The following ALK variants were observed in gnomAD, a reference collection of about 807,000 sequenced individuals.
The protein encoded by ALK is ALK receptor tyrosine kinase, also known as ALK tyrosine kinase receptor.
A neutral mutation model predicts 163.1 loss-of-function variants in ALK; 74 were observed. The ratio of observed to expected loss-of-function variants is 0.45; its 90% CI spans 0.38 to 0.55. The LOEUF (loss-of-function observed/expected upper bound fraction) is 0.55, where lower values mean the gene tolerates loss of function less well. Ranked by LOEUF, ALK falls within the 20% of genes least tolerant of loss-of-function variation. The probability of loss-of-function intolerance (pLI) is 0.00; values close to 1 mark genes in which losing one functional copy is unlikely to be tolerated. For missense variants in ALK, 2,063 were observed against 2,105.3 expected (o/e 0.98, Z 0.39); for synonymous variants, 960 against 843.2 (o/e 1.14, Z -2.40).
At chr2:29,912,730 G>C (rs1020811346) in intron 1 of ALK, among the ~76,000 whole-genome samples, 2 of 151,932 alleles carry the variant, frequency 1.3e-5, no homozygotes, top group African/African-American at 4.8e-5. Context: ...TACAGGCTTA[G>C]CAAGTTTAAG....
At chr2:29,219,115 G>C (rs765872206) in intron 23 of ALK, among the ~76,000 whole-genome samples, 1 of 152,182 alleles carries the variant, frequency 6.6e-6, no homozygotes, top group Non-Finnish European at 1.5e-5. Flanking sequence ...TAGAATTGGG[G>C]AGAGACCTGC....
chr2:29,585,215 A>T (rs1312499556), intron 3 of ALK, among the ~76,000 whole-genome samples: 3 of 152,244 alleles, frequency 2.0e-5, no homozygotes, highest in Non-Finnish European at 4.4e-5. Context: ...TAATTAAAAA[A>T]TTTTTAACAT....
At chr2:29,408,964 G>A (rs1669661054) in intron 4 of ALK, among the ~76,000 whole-genome samples, 1 of 152,190 alleles carries the variant, frequency 6.6e-6, no homozygotes, top group Admixed American at 6.5e-5. Flanking sequence ...GTTTCTAGGG[G>A]CTGATTTATT....
chr2:29,606,916 T>C (rs548867713), intron 3 of ALK, among the ~76,000 whole-genome samples: 137 of 152,326 alleles, frequency 9.0e-4, no homozygotes, highest in African/African-American at 3.2e-3. Flanking sequence ...TAGTTGCCCC[T>C]CTTAGAAATA....
At chr2:29,235,724 ACT>A in intron 13 of ALK, among the ~76,000 whole-genome samples, 1 of 151,640 alleles carries the variant, frequency 6.6e-6, no homozygotes. Flanking sequence ...ACAGGGTCTC[ACT>A]CTGTCACTCA....
intron 4 of ALK, among the ~76,000 whole-genome samples, chr2:29,515,789 A>G (rs772584919): frequency 6.6e-6 from 1 of 152,234 alleles, no homozygotes; most frequent in Non-Finnish European, 1.5e-5. Context: ...GAAGATGCAG[A>G]TGTAACTAAA....
intron 4 of ALK, among the ~76,000 whole-genome samples, chr2:29,483,067 GAA>G (rs1671700887): frequency 6.6e-6 from 1 of 152,198 alleles, no homozygotes; most frequent in South Asian, 2.1e-4. Flanking sequence ...CAGGAACTTG[GAA>G]AAGACTGTGG....
Position 29,395,787 on chromosome 2 carries a change from G to A in ALK, c.1155-11928C>T, listed in dbSNP as rs559259373. Among the ~76,000 whole-genome samples, 27 of 152,306 alleles carry A rather than the reference G, an allele frequency of 1.8e-4. No individual in the cohort carries two copies. The South Asian group carries it at 5.4e-3, about 30-fold the overall frequency. On this transcript the variant is annotated intron_variant, in intron 4 of 28. Transcript: ENST00000389048. ...AGTGAGGAAGGAGTGCTAGACAAGA[G>A]ACCAAGAAGAATCCAACAGCCAGGC...
chr2:29,320,502 T>C (rs1171899432), intron 7 of ALK, among the ~76,000 whole-genome samples: 1 of 152,208 alleles, frequency 6.6e-6, no homozygotes, highest in East Asian at 1.9e-4. Flanking sequence ...GTTGTTGCTA[T>C]TATCTTTTTG....
At chr2:29,847,812 A>T (rs1665884501) in intron 1 of ALK, among the ~76,000 whole-genome samples, 1 of 151,904 alleles carries the variant, frequency 6.6e-6, no homozygotes, top group Non-Finnish European at 1.5e-5. Flanking sequence ...GAGAAAGGAG[A>T]AGAGAAATGA....
intron 1 of ALK, among the ~76,000 whole-genome samples, chr2:29,726,672 G>A (rs1286571026): frequency 2.0e-5 from 3 of 152,170 alleles, no homozygotes; most frequent in African/African-American, 7.2e-5. Flanking sequence ...GTGCCCTGGG[G>A]AGAGTGTGAC....
intron 3 of ALK, among the ~76,000 whole-genome samples, chr2:29,626,020 A>G (rs1194871257): frequency 6.6e-6 from 1 of 152,244 alleles, no homozygotes; most frequent in Non-Finnish European, 1.5e-5. Flanking sequence ...TTTTCAGCTC[A>G]GGAAACAACC....
intron 25 of ALK, 66 bp downstream of exon 25, chr2:29,209,720 C>T (rs2148154781): frequency 8.4e-7 from 1 of 1,190,904 alleles, no homozygotes; most frequent in Non-Finnish European, 1.3e-6. Context: ...CAAGCAGCCA[C>T]ACCCCATTCT....
At chr2:29,649,208 G>C (rs931963880) in intron 3 of ALK, among the ~76,000 whole-genome samples, 1 of 137,262 alleles carries the variant, frequency 7.3e-6, no homozygotes, top group African/African-American at 3.2e-5. Context: ...GAGAGAGAGT[G>C]TGTGTATGTG....
rs570452462 is a variant in ALK, at chr2:29,323,621, T to C, written c.1415-2739A>G. 4.6e-5 allele frequency among the ~76,000 whole-genome samples: 7 copies of C among 152,270 alleles called. No homozygotes were observed. The East Asian group carries it at 9.7e-4, about 21-fold the overall frequency. ...GAAGGAGAGCTGAGGATTTCCATGATTGTAAACTCATCAGGGCAGCTTGCT... is the reference window on the plus strand; with the variant it reads ...GAAGGAGAGCTGAGGATTTCCATGACTGTAAACTCATCAGGGCAGCTTGCT... On this transcript the variant is annotated intron_variant, in intron 6 of 28. Transcript: ENST00000389048.
chr2:29,434,220 T>C (rs945681874), intron 4 of ALK, among the ~76,000 whole-genome samples: 2 of 152,202 alleles, frequency 1.3e-5, no homozygotes, highest in African/African-American at 4.8e-5. Context: ...CTCAATCTTA[T>C]ATATCTATAT....
intron 1 of ALK, among the ~76,000 whole-genome samples, chr2:29,831,013 G>GAAGAAGAAGAAGAAGA (rs1558508441): frequency 1.7e-4 from 5 of 29,944 alleles, no homozygotes; most frequent in African/African-American, 4.9e-4. Flanking sequence ...GAAGAAGAAG[G>GAAGAAGAAGAAGAAGA]GGAAGAGGAA....
intron 4 of ALK, among the ~76,000 whole-genome samples, chr2:29,412,355 G>T (rs561480925): frequency 6.6e-6 from 1 of 152,156 alleles, no homozygotes; most frequent in African/African-American, 2.4e-5. Flanking sequence ...GTACAGTGGC[G>T]CTGCATGCTT....
intron 3 of ALK, among the ~76,000 whole-genome samples, chr2:29,674,387 G>T (rs1261357334): frequency 1.3e-5 from 2 of 151,582 alleles, no homozygotes; most frequent in African/African-American, 4.9e-5. Context: ...AGCATGAAGG[G>T]TTGTTGAATT....
Sources: gnomAD v4.1 joint callset for allele counts (sites outside exome capture counted in the v4.1 genomes callset) on GRCh38, gnomAD v4.1.1 for gene constraint, MANE v1.5 for transcripts, NCBI Gene and HGNC (gene_info 2026-07-23, HGNC 2026-07-21) for gene names.